The following LRRC4C variants were observed in gnomAD, a reference collection of about 807,000 sequenced individuals.
The protein encoded by LRRC4C is leucine rich repeat containing 4C, also known as leucine-rich repeat-containing protein 4C.
A neutral mutation model predicts 33.6 loss-of-function variants in LRRC4C; 5 were observed. That is an observed-to-expected ratio of 0.15 (90% CI 0.08 to 0.31). The LOEUF (loss-of-function observed/expected upper bound fraction) is 0.31. Among genes scored for constraint, LRRC4C ranks in the 10% least tolerant of loss-of-function variants. The pLI, the probability that LRRC4C is intolerant of heterozygous loss-of-function variation, is 1.00. For synonymous variants in LRRC4C, 329 were observed against 302.0 expected, an observed-to-expected ratio of 1.09 and a Z score of -0.93; for missense variants, 560 against 796.7, an observed-to-expected ratio of 0.70 and a Z score of 3.58.
intron 3 of LRRC4C, among the ~76,000 whole-genome samples, chr11:40,471,092 C>T (rs1012740094): frequency 2.2e-4 from 34 of 152,144 alleles, no homozygotes; most frequent in Admixed American, 1.9e-3. Flanking sequence ...GTCAGGTTCA[C>T]CAAGGCTGAA....
intron 2 of LRRC4C, among the ~76,000 whole-genome samples, chr11:40,795,985 G>A (rs890489414): frequency 1.3e-5 from 2 of 152,022 alleles, no homozygotes; most frequent in Non-Finnish European, 2.9e-5. Flanking sequence ...ATGATAATAC[G>A]TCTATATATT....
chr11:40,693,457 T>C (rs1406501514), intron 2 of LRRC4C, among the ~76,000 whole-genome samples: 1 of 152,142 alleles, frequency 6.6e-6, no homozygotes, highest in Non-Finnish European at 1.5e-5. Context: ...TAAATCTGAA[T>C]GAAGCAAAGT....
At chr11:40,357,775 T>C (rs1947740433) in intron 3 of LRRC4C, among the ~76,000 whole-genome samples, 1 of 152,086 alleles carries the variant, frequency 6.6e-6, no homozygotes, top group African/African-American at 2.4e-5. Flanking sequence ...CTACAACGTA[T>C]CCCTTTCCTT....
chr11:40,837,606 T>G (rs934250990), intron 2 of LRRC4C, among the ~76,000 whole-genome samples: 3 of 146,150 alleles, frequency 2.1e-5, no homozygotes, highest in Non-Finnish European at 4.5e-5. Context: ...TTGAGAGGCC[T>G]AGGCAGAAGG....
At chr11:41,270,354 A>G (rs1949281342) in intron 1 of LRRC4C, among the ~76,000 whole-genome samples, 1 of 152,134 alleles carries the variant, frequency 6.6e-6, no homozygotes, top group Admixed American at 6.6e-5. Flanking sequence ...GGTTCTCATT[A>G]CCAACTATTG....
At chr11:40,208,866 G>A (rs7943873) in intron 5 of LRRC4C, among the ~76,000 whole-genome samples, 6 of 151,712 alleles carry the variant, frequency 4.0e-5, no homozygotes, top group African/African-American at 1.5e-4. Context: ...ACTTCAACTC[G>A]GTAGTTTAAA....
intron 3 of LRRC4C, among the ~76,000 whole-genome samples, chr11:40,504,316 A>G (rs1954926383): frequency 6.6e-6 from 1 of 152,164 alleles, no homozygotes; most frequent in Admixed American, 6.6e-5. Flanking sequence ...TAACCTTTCC[A>G]ACAGAGAGCC....
intron 4 of LRRC4C, among the ~76,000 whole-genome samples, chr11:40,253,066 T>A (rs558300079): frequency 1.3e-5 from 2 of 152,296 alleles, no homozygotes; most frequent in Non-Finnish European, 2.9e-5. Context: ...CCTCCAATTA[T>A]TCCACTTGGC....
At chr11:40,800,147 G>A (rs1352193702) in intron 2 of LRRC4C, among the ~76,000 whole-genome samples, 1 of 152,068 alleles carries the variant, frequency 6.6e-6, no homozygotes, top group Non-Finnish European at 1.5e-5. Context: ...AAGTTTTTTA[G>A]TTTTCTTTTT....
Position 40,114,596 on chromosome 11 carries a change from A to G in LRRC4C, c.1697T>C (p.Val566Ala), listed in dbSNP as rs1314660245. Reference sequence around the variant, plus strand: ...CTCATCATCCACATTAATAATTTCAACAGTCCTTGTTGGGGCGTGATGGTT... The same window carrying G: ...CTCATCATCCACATTAATAATTTCAGCAGTCCTTGTTGGGGCGTGATGGTT... Reference protein sequence around the residue: ...RQNHHAPTRTVEIINVDDEIT... With the variant: ...RQNHHAPTRTAEIINVDDEIT... Residue 566 changes from valine (V) to alanine (A), a missense_variant, in exon 7 of 7, where the codon GTT becomes GCT. Val to Ala is a moderately conservative substitution (Grantham distance 64, BLOSUM62 0). Around this residue, in one of 3 missense-constraint regions of LRRC4C, gnomAD observed 103 missense variants for 132.1 expected, o/e 0.78. Transcript: ENST00000528697. The G allele has an allele frequency of 3.1e-6, 5 of 1,614,112 alleles. No individual in the cohort carries two copies. Among genetic ancestry groups the G allele is most frequent in the Admixed American group, 3.3e-5 (2 of 60,022 alleles).
At chr11:41,105,746 A>T (rs1590602954) in intron 1 of LRRC4C, among the ~76,000 whole-genome samples, 1 of 152,098 alleles carries the variant, frequency 6.6e-6, no homozygotes, top group African/African-American at 2.4e-5. Flanking sequence ...GGAAATTTAC[A>T]GAGAACCAGC....
At chr11:40,867,783 T>G (rs1345318079) in intron 2 of LRRC4C, among the ~76,000 whole-genome samples, 31 of 152,172 alleles carry the variant, frequency 2.0e-4, no homozygotes, top group Admixed American at 2.0e-3. Flanking sequence ...AATTTTCAAG[T>G]CAGACTTGAA....
chr11:41,010,473 T>C (rs767840988), intron 1 of LRRC4C, among the ~76,000 whole-genome samples: 2 of 152,168 alleles, frequency 1.3e-5, no homozygotes, highest in African/African-American at 4.8e-5. Flanking sequence ...AATACTTTTA[T>C]ACACAGGCAA....
At chr11:40,363,865 G>A (rs1290803799) in intron 3 of LRRC4C, among the ~76,000 whole-genome samples, 1 of 152,170 alleles carries the variant, frequency 6.6e-6, no homozygotes, top group African/African-American at 2.4e-5. Context: ...ATCAATAAAA[G>A]CTTCTCTTTA....
Position 40,273,965 on chromosome 11 carries a change from G to C in LRRC4C, c.-175-32367C>G, listed in dbSNP as rs564271866. Among the ~76,000 whole-genome samples, 4 of 152,134 alleles carry C rather than the reference G, an allele frequency of 2.6e-5. No individual in the cohort carries two copies. In the South Asian group the frequency reaches 6.2e-4, roughly 24 times the overall value. On this transcript the variant is annotated intron_variant, in intron 4 of 6. Coordinates refer to ENST00000528697, the MANE Select transcript of LRRC4C (RefSeq NM_001258419.2). ...TAGTCTATTTTCCCCACGAGGTAGG[G>C]GGCAGGTGGGCAGTGGCTATAGGGC...
chr11:40,729,116 AC>A (rs1947434125), intron 2 of LRRC4C, among the ~76,000 whole-genome samples: 1 of 152,160 alleles, frequency 6.6e-6, no homozygotes, highest in Non-Finnish European at 1.5e-5. Flanking sequence ...CTGCACATGT[AC>A]CCCCATATCT....
intron 2 of LRRC4C, among the ~76,000 whole-genome samples, chr11:40,772,325 G>A (rs1481206617): frequency 6.6e-6 from 1 of 152,124 alleles, no homozygotes; most frequent in East Asian, 1.9e-4. Context: ...TGGGAGAACT[G>A]CTCCCAAGAT....
chr11:40,721,689 G>A (rs61886853), intron 2 of LRRC4C, among the ~76,000 whole-genome samples: 3 of 152,220 alleles, frequency 2.0e-5, no homozygotes, highest in African/African-American at 7.2e-5. Context: ...GGTGGCTCAC[G>A]CCTGTAATCC....
At chr11:41,088,901 TTC>T (rs1940199044) in intron 1 of LRRC4C, among the ~76,000 whole-genome samples, 1 of 152,086 alleles carries the variant, frequency 6.6e-6, no homozygotes, top group Non-Finnish European at 1.5e-5. Context: ...TATCTCCTTT[TTC>T]TCTTAGATTT....
Sources: gnomAD v4.1 joint callset for allele counts (sites outside exome capture counted in the v4.1 genomes callset) on GRCh38, gnomAD v4.1.1 for gene constraint, gnomAD v4.1.1 regional missense constraint, MANE v1.5 for transcripts, NCBI Gene and HGNC (gene_info 2026-07-23, HGNC 2026-07-21) for gene names.